The following MYH4 variants were observed in gnomAD, a reference collection of about 807,000 sequenced individuals.
MYH4 encodes myosin-4.
Under a neutral mutation model 229.9 loss-of-function variants are expected in MYH4, and 200 were observed. The ratio of observed to expected loss-of-function variants is 0.87; its 90% CI spans 0.78 to 0.98. The LOEUF (loss-of-function observed/expected upper bound fraction) is 0.98. MYH4 is among the 50% of genes least tolerant of loss of function. The pLI, the probability that MYH4 is intolerant of heterozygous loss-of-function variation, is 0.00. For synonymous variants in MYH4, 761 were observed against 834.6 expected (o/e 0.91, Z 1.52); for missense variants, 2,148 against 2,332.6 (o/e 0.92, Z 1.63).
chr17:10,456,413 A>T lies in MYH4; in HGVS notation c.1968+72T>A. The T allele has an allele frequency of 3.1e-6, 4 of 1,275,972 alleles. No homozygotes were observed. In the African/African-American group the frequency reaches 6.0e-5, roughly 19 times the overall value. The allele number at this position is 1,275,972 out of a possible 1,614,324, so 79.0% of individuals were successfully genotyped here. A position where few individuals can be genotyped will look rare whatever the true frequency, so the allele number is the denominator to read the frequency against. On this transcript the variant is annotated intron_variant, in intron 17 of 39. Coordinates refer to ENST00000255381, the MANE Select transcript of MYH4 (RefSeq NM_017533.2). ...TTCACTTTCACCATAAATATCTTTT[A>T]AAAAATTTTCTGTTTTGATGGTTTA...
At position 10,457,697 on chromosome 17, in the gene MYH4, C is replaced by T. The variant is rs561379279; in HGVS notation, c.1620G>A (p.Glu540=). 1.9e-6 allele frequency: 3 copies of T among 1,614,088 alleles called. No individual in the cohort carries two copies. The highest frequency in any genetic ancestry group is 2.2e-5 in the South Asian group (2 of 91,088). The change falls in exon 16 of 40, where the codon GAG becomes GAA. Residue 540 remains glutamate, a synonymous_variant. Transcript: ENST00000255381. The stretch of plus-strand genomic sequence containing the variant: ...TGTCTGTTGCCTTGGGGAACATGCA[C>T]TCCTCTTCTAGGATGGAGAAGATGC... ...PMGIFSILEE[E]CMFPKATDTS...
At chr17:10,467,778 A>T (rs535929068) in intron 2 of MYH4, among the ~76,000 whole-genome samples, 1 of 152,296 alleles carries the variant, frequency 6.6e-6, no homozygotes, top group African/African-American at 2.4e-5. Flanking sequence ...AACTTAAAAA[A>T]TTTTCCCTAC....
Position 10,447,968 on chromosome 17 carries a change from C to G in MYH4, c.4815G>C (p.Leu1605=), listed in dbSNP as rs775335348. ...CATTTCTGCTCCTGATCTCAGCATC[C>G]AGTGTACTCTGCATTGACTCCACAA... ...LRVVESMQST[L]DAEIRSRNDA... is the part of the protein sequence containing the mutation. The change falls in exon 34 of 40, where the codon CTG becomes CTC. Residue 1605 remains leucine (L), a synonymous_variant. Coordinates refer to ENST00000255381, the MANE Select transcript of MYH4 (RefSeq NM_017533.2). 6.2e-7 allele frequency: 1 copy of G among 1,614,000 alleles called. No individual in the cohort carries two copies. Among genetic ancestry groups the G allele is most frequent in the Admixed American group, 1.7e-5 (1 of 60,004 alleles).
intron 11 of MYH4, among the ~76,000 whole-genome samples, chr17:10,461,781 C>G (rs146490452): frequency 2.0e-5 from 3 of 152,256 alleles, no homozygotes; most frequent in African/African-American, 7.2e-5. Context: ...CCCACATAGG[C>G]TTTGAAAAGG....
intron 3 of MYH4, 23 bp downstream of exon 3, chr17:10,466,519 T>C (rs776684450): frequency 1.2e-6 from 2 of 1,614,018 alleles, no homozygotes; most frequent in South Asian, 2.2e-5. Flanking sequence ...AGAGTCTAAT[T>C]AGCTCCAGGT....
rs149381199 is a variant in MYH4 at position 10,454,885 on chromosome 17, G to A, written c.2435+56C>T. 167 of 1,610,840 alleles carry A rather than the reference G, an allele frequency of 1.0e-4. No individual in the cohort carries two copies. The African/African-American group carries it at 2.0e-3, about 19-fold the overall frequency. On this transcript the variant is annotated intron_variant, in intron 21 of 39. Coordinates refer to ENST00000255381, the MANE Select transcript of MYH4 (RefSeq NM_017533.2). ...TCATCACTCAACAAAAGTAATGACT[G>A]CAGTGGATTCATTTATGAAAGTGTG...
chr17:10,462,097 A>G (rs1338064050), intron 11 of MYH4, among the ~76,000 whole-genome samples: 2 of 152,218 alleles, frequency 1.3e-5, no homozygotes, highest in Non-Finnish European at 2.9e-5. Context: ...TGACTTCTTG[A>G]AAATAATATT....
Position 10,444,697 on chromosome 17 carries a change from A to G in MYH4, c.5574T>C (p.Thr1858=). The G allele has an allele frequency of 6.2e-7, 1 of 1,613,818 alleles. No homozygotes were observed. Among genetic ancestry groups the G allele is most frequent in the Non-Finnish European group, 8.5e-7 (1 of 1,179,846 alleles). Residue 1858 remains threonine, a splice_region_variant and synonymous_variant, in exon 39 of 40, where the codon ACT becomes ACC. Transcript: ENST00000255381. The part of the protein sequence containing the change: ...ERRVKELTYQ[T]EEDRKNILRL... ...TGAGAATATTCTTGCGGTCCTCCTCAGTCTGAAAGAGGTGCAAGTAGATGG... is the reference window on the plus strand; with the variant it reads ...TGAGAATATTCTTGCGGTCCTCCTCGGTCTGAAAGAGGTGCAAGTAGATGG...
At chr17:10,444,485 G>A (rs2072488399) in intron 39 of MYH4, 119 bp downstream of exon 39, 1 of 713,558 alleles carries the variant, frequency 1.4e-6, no homozygotes, top group Non-Finnish European at 2.4e-6. Flanking sequence ...AAATATTCAT[G>A]TTCATACCTA....
rs1423341953 is a variant in MYH4 at position 10,454,872 on chromosome 17, A to C, written c.2436-62T>G. On this transcript the variant is annotated intron_variant, in intron 21 of 39. Coordinates refer to ENST00000255381, the MANE Select transcript of MYH4 (RefSeq NM_017533.2). The stretch of plus-strand genomic sequence containing the variant: ...ATGTGGAAAGTGATCATCACTCAAC[A>C]AAAGTAATGACTGCAGTGGATTCAT... 1.9e-6 allele frequency: 3 copies of C among 1,610,034 alleles called. No individual in the cohort carries two copies. In the African/African-American group the frequency reaches 4.0e-5, roughly 22 times the overall value.
Position 10,455,079 on chromosome 17 carries a change from T to C in MYH4, c.2299-2A>G. On this transcript the variant is annotated splice_acceptor_variant, in intron 20 of 39. Transcript: ENST00000255381. LOFTEE classifies it high-confidence loss of function. ...CAGCAGGCCAGCTTTGAAGAAAACC[T>C]TATGAAAGAACAAGTTAAATATGTT... The C allele has an allele frequency of 6.2e-7, 1 of 1,614,174 alleles. No homozygotes were observed. The highest frequency in any genetic ancestry group is 8.5e-7 in the Non-Finnish European group (1 of 1,180,014).
Position 10,457,611 on chromosome 17 carries a change from G to T in MYH4, c.1706C>A (p.Pro569His). The change falls in exon 16 of 40, where the codon CCC (proline) becomes CAC (histidine). Residue 569 changes from proline to histidine, a missense_variant. Pro to His is a moderately conservative substitution (Grantham distance 77). Coordinates refer to ENST00000255381, the MANE Select transcript of MYH4 (RefSeq NM_017533.2). The stretch of plus-strand genomic sequence containing the variant: ...CTCAGGCTTGCCTTTGGCAGGCTTG[G>T]GCTTCTGGAAGTTGTTGGATTTTCC... ...HLGKSNNFQKPKPAKGKPEAH... is the reference protein window; with the variant it reads ...HLGKSNNFQKHKPAKGKPEAH... The T allele has an allele frequency of 1.2e-6, 2 of 1,614,160 alleles. No homozygotes were observed. Among genetic ancestry groups the T allele is most frequent in the Non-Finnish European group, 1.7e-6 (2 of 1,180,032 alleles).
chr17:10,463,015 A>G (rs1402194487), intron 10 of MYH4, 47 bp from the exon 11 acceptor site: 3 of 1,598,892 alleles, frequency 1.9e-6, no homozygotes, highest in South Asian at 2.2e-5. Flanking sequence ...TGCTTTGGTC[A>G]TCAAAAACAT....
rs1014671185 is a variant in MYH4 at position 10,445,362 on chromosome 17, T to C, written c.5170A>G (p.Asn1724Asp). 6.2e-7 allele frequency: 1 copy of C among 1,608,846 alleles called. No individual in the cohort carries two copies. Among genetic ancestry groups the C allele is most frequent in the Non-Finnish European group, 8.5e-7 (1 of 1,178,714 alleles). The change falls in exon 36 of 40, where the codon AAC becomes GAC. Residue 1724 changes from asparagine (N) to aspartate (D), a missense_variant and splice_region_variant. Transcript: ENST00000255381. Reference sequence around the variant, plus strand: ...TTCTTGGTGTTGATCAGGCTGGTGTTCTGTTTCAAATTAATGAAAGAGAAG... The same window carrying C: ...TTCTTGGTGTTGATCAGGCTGGTGTCCTGTTTCAAATTAATGAAAGAGAAG... ...SERVQLLHTQ[N>D]TSLINTKKKL... is the part of the protein sequence containing the mutation.
chr17:10,456,425 G>T lies in MYH4; in HGVS notation c.1968+60C>A. ...ATAAATATCTTTTAAAAAATTTTCT[G>T]TTTTGATGGTTTAGTTTTTTAATGA... On this transcript the variant is annotated intron_variant, in intron 17 of 39. Transcript: ENST00000255381. The T allele has an allele frequency of 2.1e-6, 3 of 1,416,238 alleles. No homozygotes were observed. In the East Asian group the frequency reaches 6.9e-5, roughly 32 times the overall value. 87.7% of individuals were successfully genotyped at this position (1,416,238 alleles called of 1,614,324 possible). A position where few individuals can be genotyped will look rare whatever the true frequency, so the allele number is the denominator to read the frequency against.
At chr17:10,451,110 C>CA (rs757756222) in intron 28 of MYH4, among the ~76,000 whole-genome samples, 6 of 152,108 alleles carry the variant, frequency 3.9e-5, no homozygotes, top group South Asian at 2.1e-4. Context: ...TGCTGAGTCA[C>CA]AAAAAATCTC....
chr17:10,456,947 C>A (rs1372276932), intron 16 of MYH4, among the ~76,000 whole-genome samples: 1 of 152,160 alleles, frequency 6.6e-6, no homozygotes, highest in Non-Finnish European at 1.5e-5. Flanking sequence ...GGTAGGTGAG[C>A]CTCTGCTCAC....
rs1050159971 is a variant in MYH4 at position 10,453,656 on chromosome 17, G to C, written c.2921C>G (p.Ala974Gly). The change falls in exon 23 of 40, where the codon GCC (alanine) becomes GGC (glycine). Residue 974 changes from alanine to glycine, a missense_variant. Ala to Gly is a moderately conservative substitution (Grantham distance 60, BLOSUM62 0). Transcript: ENST00000255381. ...CATGATTTGTACCTTGTTCTCTGTG[G>C]CATGTTTCTCCTTCTCAACCTTGGC... ...TLAKVEKEKHATENKVKNLTE... is the reference protein window; with the variant it reads ...TLAKVEKEKHGTENKVKNLTE... 6.2e-7 allele frequency: 1 copy of C among 1,613,838 alleles called. No individual in the cohort carries two copies. The highest frequency in any genetic ancestry group is 8.5e-7 in the Non-Finnish European group (1 of 1,179,986).
At chr17:10,459,483 A>G in intron 14 of MYH4, 62 bp from the exon 15 acceptor site, 4 of 1,611,314 alleles carry the variant, frequency 2.5e-6, no homozygotes, top group East Asian at 2.2e-5. Context: ...CAGAGTATCT[A>G]TTAGTATTTT....
Sources: allele counts gnomAD v4.1 joint callset (sites outside exome capture counted in the v4.1 genomes callset), GRCh38; gene constraint gnomAD v4.1.1; transcripts MANE v1.5; gene names NCBI Gene and HGNC (gene_info 2026-07-23, HGNC 2026-07-21).